Variants in WDFY3 observed in about 807,000 individuals in gnomAD.
WDFY3 encodes WD repeat and FYVE domain-containing protein 3.
Under a neutral mutation model 409.6 loss-of-function variants are expected in WDFY3, and 66 were observed. The ratio of observed to expected loss-of-function variants is 0.16; its 90% CI spans 0.13 to 0.20. WDFY3 has a LOEUF of 0.20. Ranked by LOEUF, WDFY3 falls within the 10% of genes least tolerant of loss-of-function variation. The pLI is 1.00. For missense variants in WDFY3, 3,031 were observed against 4,298.1 expected (o/e 0.71, Z 8.24); for synonymous variants, 1,521 against 1,537.1 (o/e 0.99, Z 0.25).
intron 60 of WDFY3, 91 bp downstream of exon 60, chr4:84,691,540 G>T: frequency 7.2e-7 from 1 of 1,393,790 alleles, no homozygotes; most frequent in Non-Finnish European, 9.8e-7. Flanking sequence ...ACAAGCCCTT[G>T]GACTGGGTTC....
intron 17 of WDFY3, 133 bp downstream of exon 17, chr4:84,801,517 T>C (rs925306593): frequency 1.7e-5 from 14 of 809,274 alleles, no homozygotes; most frequent in Non-Finnish European, 2.4e-5. Flanking sequence ...TTTGAGTATT[T>C]TGTCCATTTT....
chr4:84,870,270 C>CA (rs1384365770), intron 3 of WDFY3, among the ~76,000 whole-genome samples: 4 of 152,198 alleles, frequency 2.6e-5, no homozygotes, highest in East Asian at 1.9e-4. Context: ...TGTTCTTACA[C>CA]AAAAAACCAC....
intron 47 of WDFY3, among the ~76,000 whole-genome samples, chr4:84,720,440 G>A (rs920326890): frequency 2.0e-4 from 30 of 152,116 alleles, no homozygotes; most frequent in African/African-American, 7.2e-4. Flanking sequence ...TGAGTGACAC[G>A]GTTTGCATAT....
At chr4:84,925,359 A>G (rs1450676464) in intron 2 of WDFY3, among the ~76,000 whole-genome samples, 1 of 152,182 alleles carries the variant, frequency 6.6e-6, no homozygotes, top group Non-Finnish European at 1.5e-5. Context: ...TGCTGCTCCC[A>G]TGGCAGGAAT....
intron 63 of WDFY3, 163 bp from the exon 64 acceptor site, chr4:84,682,633 CCTG>C: frequency 3.2e-6 from 2 of 627,372 alleles, no homozygotes; most frequent in Non-Finnish European, 5.7e-6. Flanking sequence ...CAGCGGGCTG[CCTG>C]CACACAATGG....
chr4:84,844,402 T>C (rs528012073), intron 5 of WDFY3: 21 of 1,275,228 alleles, frequency 1.6e-5, no homozygotes, highest in Non-Finnish European at 2.1e-5. Context: ...ACTCACAGCT[T>C]CCATGCTTCT....
At chr4:84,928,755 T>TA (rs1376609100) in intron 2 of WDFY3, among the ~76,000 whole-genome samples, 4 of 152,202 alleles carry the variant, frequency 2.6e-5, no homozygotes, top group Admixed American at 2.6e-4. Flanking sequence ...TCAGACCTCT[T>TA]ACTCTTAAAT....
In WDFY3 at chr4:84,775,052, TATTA is replaced by T; in HGVS notation, c.4592+9_4592+12del. ...ATAGCTGAATAATTAACTACGTGGG[TATTA>T]ATTAATACCTGGACTCTGTGAGCAG... On this transcript the variant is annotated intron_variant, in intron 28 of 67. Transcript: ENST00000295888. 3 of 1,613,226 alleles carry T rather than the reference TATTA, an allele frequency of 1.9e-6. No homozygotes were observed. Among genetic ancestry groups the T allele is most frequent in the Non-Finnish European group, 2.5e-6 (3 of 1,179,424 alleles).
At chr4:84,950,877 A>AAAGTGTC (rs1306180572) in intron 1 of WDFY3, among the ~76,000 whole-genome samples, 1 of 152,230 alleles carries the variant, frequency 6.6e-6, no homozygotes, top group East Asian at 1.9e-4. Flanking sequence ...GATGGTTAGT[A>AAAGTGTC]AAGTGTCAAA....
intron 50 of WDFY3, among the ~76,000 whole-genome samples, chr4:84,714,188 G>A (rs1471750350): frequency 1.3e-5 from 2 of 151,806 alleles, no homozygotes; most frequent in African/African-American, 4.8e-5. Flanking sequence ...TGGTGTGATC[G>A]TGGCTTACTA....
chr4:84,901,942 A>G (rs1579054711), intron 2 of WDFY3, among the ~76,000 whole-genome samples: 1 of 152,220 alleles, frequency 6.6e-6, no homozygotes, highest in Non-Finnish European at 1.5e-5. Flanking sequence ...CAAATATGAC[A>G]TACTGCATGA....
chr4:84,699,240 A>G (rs765684370), intron 56 of WDFY3, among the ~76,000 whole-genome samples: 23 of 152,006 alleles, frequency 1.5e-4, no homozygotes, highest in Admixed American at 8.5e-4. Flanking sequence ...CCAGCCCCAG[A>G]ACACCAATCT....
At chr4:84,896,708 C>T (rs914197114) in intron 3 of WDFY3, among the ~76,000 whole-genome samples, 1 of 152,020 alleles carries the variant, frequency 6.6e-6, no homozygotes, top group Non-Finnish European at 1.5e-5. Context: ...CTTTAAATAG[C>T]CTATTAGAAA....
At chr4:84,694,885 T>C (rs1465698815) in intron 58 of WDFY3, among the ~76,000 whole-genome samples, 1 of 152,212 alleles carries the variant, frequency 6.6e-6, no homozygotes, top group Non-Finnish European at 1.5e-5. Flanking sequence ...CTATCTATCA[T>C]GGCTTTTCTA....
rs1186693158 is a variant in WDFY3, at chr4:84,850,926, CTGTTTTTTTTTTTTTTTTTTTT to C, written c.181-923_181-902del. Among the ~76,000 whole-genome samples, 313 of 32,160 alleles carry C rather than the reference CTGTTTTTTTTTTTTTTTTTTTT, an allele frequency of 9.7e-3. 4 individuals are homozygous for C. Among genetic ancestry groups the C allele is most frequent in the African/African-American group, 0.036 (296 of 8,240 alleles). The allele number at this position is 32,160 out of a possible 152,430, so 21.1% of individuals were successfully genotyped here. On this transcript the variant is annotated intron_variant, in intron 4 of 67. Transcript: ENST00000295888. ...AATTCTTATTTTTAATTTTATTTAT[CTGTTTTTTTTTTTTTTTTTTTT>C]TTTTTTTTTTTTTTTTTTTTTGAGA...
chr4:84,921,646 ATTTTTTTTTTTTTTT>A (rs747576197), intron 2 of WDFY3, among the ~76,000 whole-genome samples: 2 of 78,666 alleles, frequency 2.5e-5, no homozygotes, highest in East Asian at 3.5e-4. Flanking sequence ...TATTGCTTTC[ATTTTTTTTTTTTTTT>A]TTTTTTTTTT....
At chr4:84,779,986 T>C (rs1194348532) in intron 26 of WDFY3, 122 bp downstream of exon 26, 2 of 1,098,336 alleles carry the variant, frequency 1.8e-6, no homozygotes, top group Non-Finnish European at 2.5e-6. Context: ...AAAACTACTG[T>C]CTCTTTAAGT....
intron 15 of WDFY3, among the ~76,000 whole-genome samples, chr4:84,806,973 A>T (rs1751623127): frequency 6.6e-6 from 1 of 152,128 alleles, no homozygotes; most frequent in African/African-American, 2.4e-5. Flanking sequence ...TTTGGTTAAT[A>T]CTTAAAAAGG....
chr4:84,830,609 T>C (rs1419951616), intron 8 of WDFY3, among the ~76,000 whole-genome samples: 1 of 152,194 alleles, frequency 6.6e-6, no homozygotes, highest in Non-Finnish European at 1.5e-5. Context: ...GCTAAGGCAA[T>C]TGTCTCCTAT....
Sources: allele counts gnomAD v4.1 joint callset (sites outside exome capture counted in the v4.1 genomes callset), GRCh38; gene constraint gnomAD v4.1.1; transcripts MANE v1.5; gene names NCBI Gene and HGNC (gene_info 2026-07-23, HGNC 2026-07-21).